Variants in INPP5F observed in about 807,000 individuals in gnomAD.
The protein encoded by INPP5F is phosphatidylinositide 4-phosphatase SAC2.
A neutral mutation model predicts 137.2 loss-of-function variants in INPP5F; 97 were observed. That is an observed-to-expected ratio of 0.71 (90% CI 0.60 to 0.84). The LOEUF (loss-of-function observed/expected upper bound fraction) is 0.84, where lower values mean the gene tolerates loss of function less well. Among genes scored for constraint, INPP5F ranks in the 40% least tolerant of loss-of-function variants. The pLI is 0.00. For synonymous variants in INPP5F, 504 were observed against 476.9 expected (o/e 1.06, Z -0.74); for missense variants, 1,271 against 1,371.9 (o/e 0.93, Z 1.16).
Position 119,785,286 on chromosome 10 carries a change from G to GTTTTTTTTTTTTTTTT in INPP5F, c.315+3516_315+3531dup, listed in dbSNP as rs71019717. On this transcript the variant is annotated intron_variant, in intron 3 of 19. Coordinates refer to ENST00000650623, the MANE Select transcript of INPP5F (RefSeq NM_014937.4). ...TAACCTTTTGTGGAACTGCCAGACT[G>GTTTTTTTTTTTTTTTT]TTTTTTTTTTTTTTTTGGAGACGGA... Among the ~76,000 whole-genome samples, 142 of 106,222 alleles carry GTTTTTTTTTTTTTTTT rather than the reference G, an allele frequency of 1.3e-3. 14 individuals are homozygous for GTTTTTTTTTTTTTTTT. The highest frequency in any genetic ancestry group is 4.0e-3 in the South Asian group (9 of 2,228). The allele number at this position is 106,222 out of a possible 152,430, so 69.7% of individuals were successfully genotyped here. A position where few individuals can be genotyped will look rare whatever the true frequency, so the allele number is the denominator to read the frequency against.
chr10:119,820,427 C>T (rs1851509626), intron 15 of INPP5F, among the ~76,000 whole-genome samples: 3 of 152,172 alleles, frequency 2.0e-5, no homozygotes. Context: ...GTAAAGATAT[C>T]CTGAATGTAT....
intron 2 of INPP5F, among the ~76,000 whole-genome samples, chr10:119,765,731 C>T (rs1170762991): frequency 7.5e-6 from 1 of 132,842 alleles, no homozygotes; most frequent in Non-Finnish European, 1.6e-5. Flanking sequence ...CTGCATTGTT[C>T]AAGGGTAAAC....
chr10:119,730,339 A>AC (rs1414924749), intron 1 of INPP5F, among the ~76,000 whole-genome samples: 7 of 152,024 alleles, frequency 4.6e-5, no homozygotes, highest in Non-Finnish European at 8.8e-5. Context: ...CGAACTCCTG[A>AC]CCTCAGGTGA....
At chr10:119,774,556 AC>A (rs150932333) in intron 2 of INPP5F, among the ~76,000 whole-genome samples, 32 of 150,692 alleles carry the variant, frequency 2.1e-4, no homozygotes, top group African/African-American at 7.8e-4. Context: ...CTGATCTTGA[AC>A]CCCTGGGCTC....
At chr10:119,803,039 C>T (rs745327859) in intron 9 of INPP5F, among the ~76,000 whole-genome samples, 8 of 152,062 alleles carry the variant, frequency 5.3e-5, no homozygotes, top group Non-Finnish European at 1.0e-4. Context: ...TGGATTTTCT[C>T]TGTATCCTTT....
At chr10:119,778,021 T>C (rs1849581273) in intron 2 of INPP5F, among the ~76,000 whole-genome samples, 1 of 152,110 alleles carries the variant, frequency 6.6e-6, no homozygotes, top group African/African-American at 2.4e-5. Flanking sequence ...ATTTATTTAT[T>C]TTTGAGGCAG....
chr10:119,807,125 T>C (rs1355963515), intron 12 of INPP5F, among the ~76,000 whole-genome samples: 3 of 152,020 alleles, frequency 2.0e-5, no homozygotes, highest in African/African-American at 7.2e-5. Context: ...CCGTCCCTAC[T>C]AGCTGGGCGT....
intron 15 of INPP5F, 127 bp downstream of exon 15, chr10:119,812,082 G>A: frequency 2.8e-6 from 2 of 709,894 alleles, no homozygotes; most frequent in South Asian, 1.9e-5. Flanking sequence ...TTTCCTCTAT[G>A]AGCTGGTAGT....
In INPP5F at chr10:119,748,736, G is replaced by C. The variant is rs1337255446; in HGVS notation, c.98-2340G>C. Among the ~76,000 whole-genome samples the C allele has an allele frequency of 6.6e-6, 1 of 152,182 alleles. No homozygotes were observed. Among genetic ancestry groups the C allele is most frequent in the Non-Finnish European group, 1.5e-5 (1 of 68,032 alleles). ...GAAGTGTGTGCTGATTGGTCCATGG[G>C]AGGCCACGGACGGCCTGGAGAAAGC... On this transcript the variant is annotated intron_variant, in intron 1 of 19. Coordinates refer to ENST00000650623, the MANE Select transcript of INPP5F (RefSeq NM_014937.4). The surrounding 1 kb of genome is among the most constrained non-coding windows in gnomAD (Gnocchi z 4.7).
At position 119,827,672 on chromosome 10, in the gene INPP5F, G is replaced by A. The variant is rs751055455; in HGVS notation, c.3291G>A (p.Val1097=). 12 of 1,614,104 alleles carry A rather than the reference G, an allele frequency of 7.4e-6. No individual in the cohort carries two copies. Among genetic ancestry groups the A allele is most frequent in the Non-Finnish European group, 1.0e-5 (12 of 1,179,966 alleles). Residue 1097 remains valine (V), a synonymous_variant, in exon 20 of 20, where the codon GTG becomes GTA. Coordinates refer to ENST00000650623, the MANE Select transcript of INPP5F (RefSeq NM_014937.4). ...TAACCCATGGGATAAACTTTGCAGT[G>A]TCAAAAGTTCAGAAGAGTCCTCCAG... is the stretch of plus-strand genomic sequence containing the variant. The part of the protein sequence containing the change: ...AGLTHGINFA[V]SKVQKSPPEP...
chr10:119,794,784 C>CA (rs1850280735), intron 6 of INPP5F, among the ~76,000 whole-genome samples: 1 of 129,426 alleles, frequency 7.7e-6, no homozygotes, highest in African/African-American at 2.8e-5. Flanking sequence ...GGCGGCTGGC[C>CA]GGGCGGGGGG....
At chr10:119,756,020 G>A (rs1285282394) in intron 2 of INPP5F, among the ~76,000 whole-genome samples, 1 of 152,060 alleles carries the variant, frequency 6.6e-6, no homozygotes, top group Non-Finnish European at 1.5e-5. Context: ...GCCAGGTGTG[G>A]TGGCACACAC....
chr10:119,781,896 A>C lies in INPP5F; in HGVS notation c.315+125A>C, dbSNP rs569023601. ...TGGGTAATGTTTTTAAAATAATTTA[A>C]TCCTAAGATTTTCCAACTTAGTAGT... On this transcript the variant is annotated intron_variant, in intron 3 of 19. Transcript: ENST00000650623. 9.2e-5 allele frequency: 74 copies of C among 801,834 alleles called. No homozygotes were observed. The African/African-American group carries it at 9.9e-4, about 11-fold the overall frequency. 49.7% of individuals were successfully genotyped at this position (801,834 alleles called of 1,614,324 possible).
At chr10:119,755,502 T>G (rs1848814140) in intron 2 of INPP5F, among the ~76,000 whole-genome samples, 1 of 152,356 alleles carries the variant, frequency 6.6e-6, no homozygotes, top group Non-Finnish European at 1.5e-5. Context: ...AATCATATTC[T>G]GAGGTCCTGG....
Position 119,739,922 on chromosome 10 carries a change from A to T in INPP5F, c.98-11154A>T, listed in dbSNP as rs543844493. On this transcript the variant is annotated intron_variant, in intron 1 of 19. Transcript: ENST00000650623. ...GTGTAAGCTACCACACCCAGTCAGT[A>T]GTCTGTCTTTTCATTGGTTAGTTGA... 1.5e-4 allele frequency among the ~76,000 whole-genome samples: 23 copies of T among 152,182 alleles called. No homozygotes were observed. The South Asian group carries it at 4.6e-3, about 30-fold the overall frequency.
At chr10:119,753,638 G>A (rs890142958) in intron 2 of INPP5F, among the ~76,000 whole-genome samples, 8 of 152,148 alleles carry the variant, frequency 5.3e-5, no homozygotes, top group Non-Finnish European at 1.2e-4. Flanking sequence ...GGTAGTGGCT[G>A]GGTGCTGAGA....
At position 119,827,553 on chromosome 10, in the gene INPP5F, TCTC is replaced by T. The variant is rs760153393; in HGVS notation, c.3175_3177del (p.Pro1059del). 8.2e-6 allele frequency: 13 copies of T among 1,591,770 alleles called. No homozygotes were observed. The highest frequency in any genetic ancestry group is 4.5e-5 in the East Asian group (2 of 44,382). ...TGAGACAGGGCTTCATGTAACTCCT[TCTC>T]CTTCAGAGAGCAGTAGCAGCAGAGC... On this transcript the variant is annotated inframe_deletion, in exon 20 of 20. Transcript: ENST00000650623.
rs1189132017 is a variant in INPP5F at position 119,792,045 on chromosome 10, C to T, written c.612+9C>T. 1.9e-6 allele frequency: 3 copies of T among 1,614,210 alleles called. No individual in the cohort carries two copies. Among genetic ancestry groups the T allele is most frequent in the South Asian group, 2.2e-5 (2 of 91,090 alleles). ...GGCCCCTCTGGCAGAAGGTACCACTCACAGCTCGTAGAGCAGGGTTTGCAC... is the reference window on the plus strand; with the variant it reads ...GGCCCCTCTGGCAGAAGGTACCACTTACAGCTCGTAGAGCAGGGTTTGCAC... On this transcript the variant is annotated intron_variant, in intron 5 of 19. Transcript: ENST00000650623.
At chr10:119,736,650 G>GC (rs1010831653) in intron 1 of INPP5F, among the ~76,000 whole-genome samples, 1 of 152,078 alleles carries the variant, frequency 6.6e-6, no homozygotes, top group African/African-American at 2.4e-5. Flanking sequence ...TTTTTGAGTT[G>GC]CTTTGGGTCT....
Sources: gnomAD v4.1 joint callset for allele counts (sites outside exome capture counted in the v4.1 genomes callset) on GRCh38, gnomAD v4.1.1 for gene constraint, Gnocchi (gnomAD v3.1) non-coding constraint, MANE v1.5 for transcripts, NCBI Gene and HGNC (gene_info 2026-07-23, HGNC 2026-07-21) for gene names.